IQCM: variants seen among roughly 807,000 people sequenced by gnomAD.
IQCM encodes IQ motif containing M, also known as IQ domain-containing protein M.
Under a neutral mutation model 57.6 loss-of-function variants are expected in IQCM, and 45 were observed. The observed-to-expected ratio is 0.78, with a 90% CI of 0.62 to 1.00. The LOEUF (loss-of-function observed/expected upper bound fraction) is 1.00, where lower values mean the gene tolerates loss of function less well. Ranked by LOEUF, IQCM falls within the 50% of genes least tolerant of loss-of-function variation. The pLI is 0.00. For synonymous variants in IQCM, 148 were observed against 158.9 expected (o/e 0.93, Z 0.51); for missense variants, 468 against 511.6 (o/e 0.91, Z 0.82).
intron 12 of IQCM, among the ~76,000 whole-genome samples, chr4:149,455,624 A>C (rs1419348147): frequency 6.6e-6 from 1 of 152,026 alleles, no homozygotes; most frequent in Non-Finnish European, 1.5e-5. Flanking sequence ...TTATTGCTGG[A>C]GTGGTATTTT....
At chr4:149,353,410 G>T (rs1487783807) in intron 13 of IQCM, among the ~76,000 whole-genome samples, 1 of 152,110 alleles carries the variant, frequency 6.6e-6, no homozygotes, top group Non-Finnish European at 1.5e-5. Flanking sequence ...ACTACCCTAA[G>T]ATCCAGCAAT....
intron 12 of IQCM, among the ~76,000 whole-genome samples, chr4:149,486,017 GTCTCTCTC>G (rs71596213): frequency 0.042 from 5,059 of 121,578 alleles, 142 homozygotes; most frequent in African/African-American, 0.076. Flanking sequence ...AGCAAACAGA[GTCTCTCTC>G]TCTCTCTCTC....
chr4:149,486,656 G>C (rs937763144), intron 12 of IQCM, among the ~76,000 whole-genome samples: 4 of 152,196 alleles, frequency 2.6e-5, no homozygotes, highest in African/African-American at 9.6e-5. Flanking sequence ...TGAGGCAGGA[G>C]AATCACTTGA....
chr4:149,530,474 A>T (rs1746617625), intron 12 of IQCM, among the ~76,000 whole-genome samples: 1 of 152,170 alleles, frequency 6.6e-6, no homozygotes, highest in South Asian at 2.1e-4. Context: ...CTGTGTATCC[A>T]AGAGAGGATA....
chr4:149,546,571 T>C (rs185860875), intron 12 of IQCM, among the ~76,000 whole-genome samples: 30 of 152,222 alleles, frequency 2.0e-4, no homozygotes, highest in Middle Eastern at 3.4e-3. Context: ...TGATGGCCAG[T>C]GATGACAAAC....
chr4:149,537,588 A>T (rs1747427558), intron 12 of IQCM, among the ~76,000 whole-genome samples: 1 of 151,982 alleles, frequency 6.6e-6, no homozygotes, highest in South Asian at 2.1e-4. Context: ...GAAAAACATT[A>T]ATCTAAAAGT....
intron 8 of IQCM, among the ~76,000 whole-genome samples, chr4:149,608,405 A>G (rs978319981): frequency 3.9e-5 from 6 of 151,928 alleles, no homozygotes; most frequent in Non-Finnish European, 7.4e-5. Context: ...TTCACTATAG[A>G]CCAAATGAAC....
chr4:149,392,479 C>T (rs993165326), intron 13 of IQCM, among the ~76,000 whole-genome samples: 4 of 151,822 alleles, frequency 2.6e-5, no homozygotes, highest in Non-Finnish European at 4.4e-5. Context: ...AATCTGTCCA[C>T]GGGGAAAAGG....
At chr4:149,545,842 A>C (rs1286507300) in intron 12 of IQCM, among the ~76,000 whole-genome samples, 4 of 152,068 alleles carry the variant, frequency 2.6e-5, no homozygotes, top group Non-Finnish European at 5.9e-5. Flanking sequence ...ATTATACTTT[A>C]AGTTCTAGGG....
chr4:149,584,369 G>A (rs1752473109), intron 9 of IQCM, among the ~76,000 whole-genome samples: 1 of 151,530 alleles, frequency 6.6e-6, no homozygotes, highest in Admixed American at 6.6e-5. Context: ...AAGCAATTTT[G>A]TTTTATAAGT....
chr4:149,602,789 T>C (rs1048850050), intron 8 of IQCM, among the ~76,000 whole-genome samples: 2 of 152,230 alleles, frequency 1.3e-5, no homozygotes, highest in Middle Eastern at 3.4e-3. Context: ...TTTTCATATA[T>C]GATTATCTAT....
intron 12 of IQCM, among the ~76,000 whole-genome samples, chr4:149,515,873 C>T (rs1744907254): frequency 1.3e-5 from 2 of 152,174 alleles, no homozygotes; most frequent in Admixed American, 6.5e-5. Context: ...TGGTCAAAAA[C>T]TGTGAAGATA....
chr4:149,718,995 A>G (rs1343110116), intron 5 of IQCM, among the ~76,000 whole-genome samples: 1 of 152,182 alleles, frequency 6.6e-6, no homozygotes, highest in African/African-American at 2.4e-5. Flanking sequence ...GGTGGCCATT[A>G]TTCAGCCTAC....
rs140275081 is a variant in IQCM at position 149,526,165 on chromosome 4, A to C, written c.1228+22290T>G. On this transcript the variant is annotated intron_variant, in intron 12 of 13. Transcript: ENST00000636793. ...AAATATTTATACACTTTTATCCAAC[A>C]ATTTTACTCTTATAAATCTGTTTCA... 1.8e-3 allele frequency among the ~76,000 whole-genome samples: 279 copies of C among 152,066 alleles called. 1 individual carries two copies. The highest frequency in any genetic ancestry group is 6.4e-3 in the African/African-American group (267 of 41,562).
At chr4:149,809,900 T>C (rs1410713164) in intron 2 of IQCM, among the ~76,000 whole-genome samples, 1 of 152,228 alleles carries the variant, frequency 6.6e-6, no homozygotes, top group Non-Finnish European at 1.5e-5. Flanking sequence ...TCAGATATTT[T>C]CTGCTGAAAA....
chr4:149,688,110 C>A (rs1288622150), intron 5 of IQCM, among the ~76,000 whole-genome samples: 1 of 151,854 alleles, frequency 6.6e-6, no homozygotes, highest in Non-Finnish European at 1.5e-5. Context: ...AGCAATCAGA[C>A]AAGAGAAAGA....
intron 7 of IQCM, among the ~76,000 whole-genome samples, chr4:149,637,092 G>A (rs1370436607): frequency 1.4e-5 from 2 of 147,480 alleles, no homozygotes; most frequent in African/African-American, 5.0e-5. Context: ...GCAGTGAGCC[G>A]AGATTGCGCC....
rs1751314449 is a variant in IQCM at position 149,573,065 on chromosome 4, T to A, written c.750-9175A>T. ...TAGAAAAAATTTAGAAACAAATATC[T>A]AAGTAAATTGTGTTAGAGCCAATCA... On this transcript the variant is annotated intron_variant, in intron 9 of 13. Transcript: ENST00000636793. 2.6e-5 allele frequency among the ~76,000 whole-genome samples: 4 copies of A among 151,822 alleles called. 1 individual carries two copies. The South Asian group carries it at 8.3e-4, about 31-fold the overall frequency.
intron 7 of IQCM, among the ~76,000 whole-genome samples, chr4:149,663,795 G>A (rs144893384): frequency 9.2e-5 from 14 of 152,036 alleles, no homozygotes; most frequent in Non-Finnish European, 1.6e-4. Flanking sequence ...TGATTATAAA[G>A]TACATCAGAG....
Sources: allele counts gnomAD v4.1 joint callset (sites outside exome capture counted in the v4.1 genomes callset), GRCh38; gene constraint gnomAD v4.1.1; transcripts MANE v1.5; gene names NCBI Gene and HGNC (gene_info 2026-07-23, HGNC 2026-07-21).